STK3: variants seen among roughly 807,000 people sequenced by gnomAD.
The protein encoded by STK3 is serine/threonine kinase 3.
In STK3, 41 loss-of-function variants were observed where a neutral mutation model predicts 58.0. The observed-to-expected ratio is 0.71, with a 90% CI of 0.55 to 0.92. STK3 has a LOEUF of 0.92. Among genes scored for constraint, STK3 ranks in the 40% least tolerant of loss-of-function variants. STK3 has a pLI of 0.00. For missense variants in STK3, 479 were observed against 602.7 expected, an observed-to-expected ratio of 0.79 and a Z score of 2.15; for synonymous variants, 170 against 191.0, an observed-to-expected ratio of 0.89 and a Z score of 0.91.
At chr8:98,789,792 C>T (rs190722429) in intron 1 of STK3, among the ~76,000 whole-genome samples, 16 of 152,044 alleles carry the variant, frequency 1.1e-4, no homozygotes, top group East Asian at 5.8e-4. Context: ...CCTGGGAGGC[C>T]GAGGCAGGTG....
chr8:98,459,263 C>G (rs952067111), intron 10 of STK3, among the ~76,000 whole-genome samples: 7 of 152,200 alleles, frequency 4.6e-5, no homozygotes, highest in African/African-American at 1.4e-4. Flanking sequence ...CCCTAGAGAT[C>G]TGTGAAACTT....
At chr8:98,669,985 T>C (rs1454486380) in intron 6 of STK3, among the ~76,000 whole-genome samples, 1 of 152,230 alleles carries the variant, frequency 6.6e-6, no homozygotes, top group Non-Finnish European at 1.5e-5. Context: ...CTGTAGTAGA[T>C]AACTGTACTT....
intron 8 of STK3, among the ~76,000 whole-genome samples, chr8:98,563,043 A>C (rs1260264869): frequency 6.6e-6 from 1 of 152,038 alleles, no homozygotes; most frequent in African/African-American, 2.4e-5. Flanking sequence ...ACTGTATTAA[A>C]AATATATTGA....
chr8:98,809,519 T>C (rs953418292), intron 1 of STK3, among the ~76,000 whole-genome samples: 2 of 152,234 alleles, frequency 1.3e-5, no homozygotes, highest in Non-Finnish European at 2.9e-5. Context: ...CACTTCCCCA[T>C]AGTCCCGTGT....
intron 1 of STK3, among the ~76,000 whole-genome samples, chr8:98,901,724 A>G (rs1269975169): frequency 6.6e-6 from 1 of 152,226 alleles, no homozygotes; most frequent in Non-Finnish European, 1.5e-5. Flanking sequence ...GGCCTGGGAT[A>G]GAGGCAGCTG....
At chr8:98,534,532 T>C (rs1484009134) in intron 9 of STK3, among the ~76,000 whole-genome samples, 2 of 152,186 alleles carry the variant, frequency 1.3e-5, no homozygotes, top group Non-Finnish European at 2.9e-5. Flanking sequence ...TCAATAAATA[T>C]GCTAAAAATA....
At chr8:98,672,097 T>C (rs1822873405) in intron 6 of STK3, among the ~76,000 whole-genome samples, 1 of 152,170 alleles carries the variant, frequency 6.6e-6, no homozygotes, top group Admixed American at 6.5e-5. Context: ...CAGTCTCGGG[T>C]ATTTCTTCAT....
At chr8:98,451,274 G>C (rs1819188118), downstream of STK3, among the ~76,000 whole-genome samples, 1 of 152,082 alleles carries the variant, frequency 6.6e-6, no homozygotes, top group Non-Finnish European at 1.5e-5. Context: ...GGGGAAACAA[G>C]ATGGATAAAC....
chr8:98,588,438 C>T (rs1351218885), intron 7 of STK3, among the ~76,000 whole-genome samples: 6 of 151,478 alleles, frequency 4.0e-5, no homozygotes, highest in Admixed American at 2.0e-4. Flanking sequence ...CCACTCTCTT[C>T]TGGCTTGTAG....
At chr8:98,624,324 C>T (rs936220546) in intron 6 of STK3, among the ~76,000 whole-genome samples, 2 of 152,136 alleles carry the variant, frequency 1.3e-5, no homozygotes, top group Admixed American at 1.3e-4. Flanking sequence ...ATCAGTGTAG[C>T]TGTGTCTTGG....
chr8:98,443,193 G>T (rs1162885479), intron 1 of STK3, among the ~76,000 whole-genome samples: 1 of 152,106 alleles, frequency 6.6e-6, no homozygotes, highest in Non-Finnish European at 1.5e-5. Context: ...ATTCTTTCAG[G>T]CCTGACAATG....
chr8:98,895,079 G>T (rs1463714031), intron 1 of STK3, among the ~76,000 whole-genome samples: 2 of 152,116 alleles, frequency 1.3e-5, no homozygotes, highest in African/African-American at 4.8e-5. Context: ...CAGGAGCAAT[G>T]GCACTGAAGA....
chr8:98,693,633 G>A (rs771774558), intron 6 of STK3, among the ~76,000 whole-genome samples: 2 of 152,134 alleles, frequency 1.3e-5, no homozygotes, highest in Non-Finnish European at 2.9e-5. Context: ...ACTCCTCTAT[G>A]CCATTCACCA....
intron 1 of STK3, among the ~76,000 whole-genome samples, chr8:98,888,172 A>T (rs1173620351): frequency 6.6e-6 from 1 of 152,062 alleles, no homozygotes; most frequent in African/African-American, 2.4e-5. Flanking sequence ...TACAAAAATT[A>T]TCTGAGCATG....
chr8:98,506,480 C>A (rs1214745527), intron 10 of STK3, among the ~76,000 whole-genome samples: 1 of 152,144 alleles, frequency 6.6e-6, no homozygotes, highest in Non-Finnish European at 1.5e-5. Context: ...TCTTCTGCGT[C>A]AATCACACTG....
At chr8:98,884,583 T>C (rs138852211) in intron 1 of STK3, among the ~76,000 whole-genome samples, 3,565 of 152,298 alleles carry the variant, frequency 0.023, 65 homozygotes, top group Middle Eastern at 0.085. Context: ...ACTGAATGCT[T>C]ATGTCCCCTT....
intron 1 of STK3, 149 bp downstream of exon 1, chr8:98,825,366 G>T (rs1057185179): frequency 1.7e-6 from 1 of 596,896 alleles, no homozygotes; most frequent in South Asian, 5.1e-5. Flanking sequence ...AGACGCGGCG[G>T]GACACTCGGA....
chr8:98,366,820 G>A (rs1018841294), downstream of STK3, among the ~76,000 whole-genome samples: 14 of 151,362 alleles, frequency 9.2e-5, no homozygotes, highest in Admixed American at 3.9e-4. Context: ...CCCCACACAC[G>A]TCTACTAGAC....
At chr8:98,625,521 T>C (rs1487229027) in intron 6 of STK3, among the ~76,000 whole-genome samples, 1 of 151,908 alleles carries the variant, frequency 6.6e-6, no homozygotes, top group Non-Finnish European at 1.5e-5. Context: ...CTTTGACCTT[T>C]CTTCCCTCCC....
Sources: allele counts gnomAD v4.1 joint callset (sites outside exome capture counted in the v4.1 genomes callset), GRCh38; gene constraint gnomAD v4.1.1; transcripts MANE v1.5; gene names NCBI Gene and HGNC (gene_info 2026-07-23, HGNC 2026-07-21).